Variants in BRINP1 observed in about 807,000 individuals in gnomAD.
The protein encoded by BRINP1 is BMP/retinoic acid inducible neural specific 1, also known as BMP/retinoic acid-inducible neural-specific protein 1.
BRINP1 carries 17 observed loss-of-function variants against 72.9 expected under a neutral mutation model. The observed-to-expected ratio is 0.23, with a 90% CI of 0.16 to 0.35. BRINP1 has a LOEUF of 0.35. Among genes scored for constraint, BRINP1 ranks in the 10% least tolerant of loss-of-function variants. BRINP1 has a pLI of 1.00. For synonymous variants in BRINP1, 418 were observed against 378.5 expected (o/e 1.10, Z -1.21); for missense variants, 850 against 1,001.6 (o/e 0.85, Z 2.04).
At chr9:119,240,430 C>T (rs1354994360) in intron 4 of BRINP1, among the ~76,000 whole-genome samples, 1 of 152,160 alleles carries the variant, frequency 6.6e-6, no homozygotes, top group East Asian at 1.9e-4. Flanking sequence ...GTGGCCTCTG[C>T]AATTTCTCTG....
At chr9:119,274,275 A>C (rs1588186917) in intron 2 of BRINP1, among the ~76,000 whole-genome samples, 1 of 152,252 alleles carries the variant, frequency 6.6e-6, no homozygotes, top group Non-Finnish European at 1.5e-5. Flanking sequence ...GAGTAGAAGG[A>C]GAACCCAGCG....
At chr9:119,198,800 T>C (rs1282031706) in intron 7 of BRINP1, among the ~76,000 whole-genome samples, 1 of 151,928 alleles carries the variant, frequency 6.6e-6, no homozygotes, top group Admixed American at 6.6e-5. Context: ...GCCTCCCGAG[T>C]AGCTGGGATT....
intron 7 of BRINP1, among the ~76,000 whole-genome samples, chr9:119,201,496 T>C (rs1829804870): frequency 6.6e-6 from 1 of 152,198 alleles, no homozygotes; most frequent in Admixed American, 6.5e-5. Context: ...ATTCAGAATT[T>C]CCACAAAGAA....
intron 2 of BRINP1, among the ~76,000 whole-genome samples, chr9:119,305,863 G>T (rs533868224): frequency 1.3e-5 from 2 of 152,150 alleles, no homozygotes; most frequent in Non-Finnish European, 2.9e-5. Context: ...ACAGTGCAGG[G>T]CCTGACTAGT....
intron 2 of BRINP1, among the ~76,000 whole-genome samples, chr9:119,251,065 T>C (rs1210739197): frequency 6.6e-6 from 1 of 152,182 alleles, no homozygotes; most frequent in Non-Finnish European, 1.5e-5. Context: ...TTAGAATATG[T>C]TTCCAAGATT....
chr9:119,334,800 A>C (rs1831332392), intron 1 of BRINP1, among the ~76,000 whole-genome samples: 1 of 151,958 alleles, frequency 6.6e-6, no homozygotes, highest in African/African-American at 2.4e-5. Context: ...GGGAATAGAG[A>C]GAGAGAGAGA....
intron 1 of BRINP1, among the ~76,000 whole-genome samples, chr9:119,365,632 T>G (rs1273858489): frequency 6.6e-6 from 1 of 152,186 alleles, no homozygotes; most frequent in Non-Finnish European, 1.5e-5. Flanking sequence ...AATAGAGGAC[T>G]TTATGATCCA....
At chr9:119,297,976 A>T (rs1830898012) in intron 2 of BRINP1, among the ~76,000 whole-genome samples, 1 of 152,240 alleles carries the variant, frequency 6.6e-6, no homozygotes, top group Admixed American at 6.5e-5. Context: ...AAATCAAAAG[A>T]ATATTGAACT....
At chr9:119,170,286 A>C (rs1829388862) in intron 7 of BRINP1, among the ~76,000 whole-genome samples, 1 of 152,020 alleles carries the variant, frequency 6.6e-6, no homozygotes, top group South Asian at 2.1e-4. Context: ...AAGTGCTTAA[A>C]GGAGCTGATG....
At chr9:119,263,047 G>A (rs943612275) in intron 2 of BRINP1, among the ~76,000 whole-genome samples, 5 of 152,084 alleles carry the variant, frequency 3.3e-5, no homozygotes, top group African/African-American at 1.2e-4. Flanking sequence ...GAACTTCTCA[G>A]GGGATAGCGA....
chr9:119,220,263 T>C (rs1830026505), intron 5 of BRINP1, among the ~76,000 whole-genome samples: 1 of 152,174 alleles, frequency 6.6e-6, no homozygotes, highest in Non-Finnish European at 1.5e-5. Flanking sequence ...AGAAGAACTT[T>C]AGGGGACCCT....
chr9:119,256,198 C>T (rs765976831), intron 2 of BRINP1, among the ~76,000 whole-genome samples: 7 of 152,064 alleles, frequency 4.6e-5, no homozygotes, highest in Non-Finnish European at 1.0e-4. Flanking sequence ...CTTACAAGGA[C>T]AGGCTTAGGA....
intron 5 of BRINP1, among the ~76,000 whole-genome samples, chr9:119,234,062 GT>G (rs1447483832): frequency 6.6e-6 from 1 of 152,102 alleles, no homozygotes; most frequent in Non-Finnish European, 1.5e-5. Context: ...GGACATTTGG[GT>G]TGTTTCCAGT....
rs766148712 is a variant in BRINP1, at chr9:119,168,122, G to A, written c.1248C>T (p.His416=). The stretch of plus-strand genomic sequence containing the variant: ...GGCGCTGGCACAGCGTGGTGCTGCC[G>A]TGGCACACGCAGCTCCGCTGGCTCT... ...FLESQRSCVC[H]GSTTLCQRPI... is the part of the protein sequence containing the mutation. Residue 416 remains histidine (H), a synonymous_variant, in exon 8 of 8, where the codon CAC becomes CAT. Transcript: ENST00000265922. 2.9e-5 allele frequency: 46 copies of A among 1,606,584 alleles called. No homozygotes were observed. Among genetic ancestry groups the A allele is most frequent in the Admixed American group, 5.1e-5 (3 of 59,394 alleles).
intron 2 of BRINP1, 96 bp downstream of exon 2, chr9:119,313,042 A>T (rs112809049): frequency 2.2e-6 from 3 of 1,384,856 alleles, no homozygotes; most frequent in Non-Finnish European, 2.9e-6. Context: ...CTTGACCCAG[A>T]CACTTCTGCA....
At chr9:119,189,201 A>G (rs1035131825) in intron 7 of BRINP1, among the ~76,000 whole-genome samples, 1 of 152,148 alleles carries the variant, frequency 6.6e-6, no homozygotes, top group African/African-American at 2.4e-5. Flanking sequence ...AGAAAAAGAA[A>G]GAAACCAAAG....
Position 119,242,095 on chromosome 9 carries a change from A to G in BRINP1, c.531T>C (p.Gly177=), listed in dbSNP as rs755083252. 14 of 1,613,986 alleles carry G rather than the reference A, an allele frequency of 8.7e-6. No individual in the cohort carries two copies. Among genetic ancestry groups the G allele is most frequent in the African/African-American group, 1.3e-5 (1 of 74,904 alleles). ...LASSYFVDRD[G]TMRRLHEIQI... is the part of the protein sequence containing the mutation. ...GGATCTCATGAAGCCTCCTCATGGT[A>G]CCATCACGGTCAACAAAGTAGGATG... The change falls in exon 4 of 8, where the codon GGT becomes GGC. Residue 177 remains glycine, a synonymous_variant. Transcript: ENST00000265922.
rs773564102 is a variant in BRINP1 at position 119,322,328 on chromosome 9, G to A, written c.-50-8923C>T. 3.9e-5 allele frequency among the ~76,000 whole-genome samples: 6 copies of A among 152,220 alleles called. No homozygotes were observed. The East Asian group carries it at 5.8e-4, about 15-fold the overall frequency. On this transcript the variant is annotated intron_variant, in intron 1 of 7. Coordinates refer to ENST00000265922, the MANE Select transcript of BRINP1 (RefSeq NM_014618.3). The stretch of plus-strand genomic sequence containing the variant: ...ACAGGGCTCTGGTCTACCCAGAGCC[G>A]CCAACACTGGCTGTGGCGTGGTGAG...
intron 2 of BRINP1, among the ~76,000 whole-genome samples, chr9:119,284,448 T>A (rs1359828296): frequency 1.3e-5 from 2 of 152,216 alleles, no homozygotes; most frequent in Non-Finnish European, 2.9e-5. Context: ...AGCCTCATTT[T>A]AAAAATGGAT....
Sources: gnomAD v4.1 joint callset for allele counts (sites outside exome capture counted in the v4.1 genomes callset) on GRCh38, gnomAD v4.1.1 for gene constraint, MANE v1.5 for transcripts, NCBI Gene and HGNC (gene_info 2026-07-23, HGNC 2026-07-21) for gene names.